The following FOXK1 variants were observed in gnomAD, a reference collection of about 807,000 sequenced individuals.
FOXK1 encodes the protein forkhead box protein K1.
Under a neutral mutation model 51.9 loss-of-function variants are expected in FOXK1, and 19 were observed. The ratio of observed to expected loss-of-function variants is 0.37; its 90% CI spans 0.26 to 0.54. The LOEUF (loss-of-function observed/expected upper bound fraction) is 0.54. Among genes scored for constraint, FOXK1 ranks in the 20% least tolerant of loss-of-function variants. FOXK1 has a pLI of 0.87. For missense variants in FOXK1, 870 were observed against 1,032.7 expected (o/e 0.84, Z 2.16); for synonymous variants, 537 against 482.6 (o/e 1.11, Z -1.48).
At chr7:4,739,824 G>A (rs1172653529) in intron 1 of FOXK1, among the ~76,000 whole-genome samples, 2 of 152,208 alleles carry the variant, frequency 1.3e-5, no homozygotes, top group African/African-American at 4.8e-5. Flanking sequence ...GGTGGTTGCC[G>A]TGCTATTTCA....
chr7:4,705,643 TCTC>T (rs1476506695), intron 1 of FOXK1, among the ~76,000 whole-genome samples: 3 of 149,572 alleles, frequency 2.0e-5, no homozygotes, highest in African/African-American at 7.4e-5. Context: ...TTGAAGCAAT[TCTC>T]CTGCCTCAGC....
At chr7:4,684,918 T>A (rs1779799649) in intron 1 of FOXK1, among the ~76,000 whole-genome samples, 1 of 152,046 alleles carries the variant, frequency 6.6e-6, no homozygotes, top group African/African-American at 2.4e-5. Context: ...TTATGAAATG[T>A]TATCGGTGTA....
chr7:4,686,614 T>G (rs1779822174), intron 1 of FOXK1, among the ~76,000 whole-genome samples: 1 of 152,144 alleles, frequency 6.6e-6, no homozygotes. Flanking sequence ...ATAGCGTTTC[T>G]TCTAGACCAT....
intron 5 of FOXK1, among the ~76,000 whole-genome samples, chr7:4,757,409 C>T (rs1231110679): frequency 2.0e-5 from 3 of 152,034 alleles, no homozygotes; most frequent in South Asian, 4.1e-4. Context: ...AAGTGGATCA[C>T]CTGAGGTCAG....
intron 1 of FOXK1, among the ~76,000 whole-genome samples, chr7:4,721,594 T>TC (rs200276850): frequency 1.3e-3 from 184 of 143,096 alleles, no homozygotes; most frequent in African/African-American, 4.4e-3. Context: ...TTTTTCTTTT[T>TC]TTTTTTTTTT....
Position 4,749,034 on chromosome 7 carries a change from TGA to T in FOXK1, c.747-5423_747-5422del, listed in dbSNP as rs1293279373. Reference sequence around the variant, plus strand: ...GGCTGTGCCTGGCGGGCCTCTGAGCTGAGTCTCTCATGCCTCTCCTTTCCTTT... The same window carrying T: ...GGCTGTGCCTGGCGGGCCTCTGAGCTGTCTCTCATGCCTCTCCTTTCCTTT... On this transcript the variant is annotated intron_variant, in intron 2 of 8. Coordinates refer to ENST00000328914, the MANE Select transcript of FOXK1 (RefSeq NM_001037165.2). This position sits in a 1 kb window ranked among gnomAD's most constrained non-coding sequence, Gnocchi z 6.0. 6.6e-6 allele frequency among the ~76,000 whole-genome samples: 1 copy of T among 152,218 alleles called. No individual in the cohort carries two copies. The highest frequency in any genetic ancestry group is 1.5e-5 in the Non-Finnish European group (1 of 68,026).
chr7:4,688,924 A>G (rs1378395817), intron 1 of FOXK1, among the ~76,000 whole-genome samples: 1 of 150,526 alleles, frequency 6.6e-6, no homozygotes, highest in Non-Finnish European at 1.5e-5. Context: ...AATTTGTAAC[A>G]TTAGCAGCTT....
intron 1 of FOXK1, among the ~76,000 whole-genome samples, chr7:4,740,160 G>C (rs1780613759): frequency 2.0e-5 from 3 of 152,108 alleles, no homozygotes; most frequent in Admixed American, 2.0e-4. Flanking sequence ...GCCAGGCGCG[G>C]TGGCTCACGC....
In FOXK1 at chr7:4,766,734, C is replaced by T; in HGVS notation, c.*4270C>T. On this transcript the variant is annotated 3_prime_UTR_variant, in exon 9 of 9. Transcript: ENST00000328914. This position sits in a 1 kb window ranked among gnomAD's most constrained non-coding sequence, Gnocchi z 5.5. ...GGCCTCGCCTCCCCGGCTCCTGGGTCCATTTTCTGTACTGGTTTGAGATCA... is the reference window on the plus strand; with the variant it reads ...GGCCTCGCCTCCCCGGCTCCTGGGTTCATTTTCTGTACTGGTTTGAGATCA... 1 of 152,244 alleles carries T rather than the reference C, an allele frequency of 6.6e-6. No homozygotes were observed. 9.4% of individuals were successfully genotyped at this position (152,244 alleles called of 1,614,324 possible). A position where few individuals can be genotyped will look rare whatever the true frequency, so the allele number is the denominator to read the frequency against.
rs1326682470 is a variant in FOXK1, at chr7:4,707,306, G to A, written c.560+24438G>A. 6.6e-6 allele frequency among the ~76,000 whole-genome samples: 1 copy of A among 152,156 alleles called. No homozygotes were observed. Among genetic ancestry groups the A allele is most frequent in the Admixed American group, 6.5e-5 (1 of 15,270 alleles). ...GGTCTGGCTCAGTGCTTATTTCAGGGAAAACTCTTGTGATGAATGGGCCAT... is the reference window on the plus strand; with the variant it reads ...GGTCTGGCTCAGTGCTTATTTCAGGAAAAACTCTTGTGATGAATGGGCCAT... On this transcript the variant is annotated intron_variant, in intron 1 of 8. Transcript: ENST00000328914. This position sits in a 1 kb window ranked among gnomAD's most constrained non-coding sequence, Gnocchi z 4.1.
rs942680292 is a variant in FOXK1, at chr7:4,723,103, A to G, written c.561-17735A>G. The stretch of plus-strand genomic sequence containing the variant: ...TCCCAAGCCTGTTGACGATGATGGT[A>G]ACGGCACCGTGCTCACTCCAACGCC... On this transcript the variant is annotated intron_variant, in intron 1 of 8. Coordinates refer to ENST00000328914, the MANE Select transcript of FOXK1 (RefSeq NM_001037165.2). The surrounding 1 kb of genome is among the most constrained non-coding windows in gnomAD (Gnocchi z 4.7). Among the ~76,000 whole-genome samples the G allele has an allele frequency of 6.6e-6, 1 of 151,934 alleles. No homozygotes were observed. Among genetic ancestry groups the G allele is most frequent in the Non-Finnish European group, 1.5e-5 (1 of 68,010 alleles).
chr7:4,769,874 C>G lies in FOXK1; in HGVS notation c.*7410C>G, dbSNP rs1781074578. ...ATTCTTTTTTCTGGAATTGTTTGCT[C>G]ATTTGAGTGGTTGGTGGTTTGCCCT... On this transcript the variant is annotated 3_prime_UTR_variant, in exon 9 of 9. Coordinates refer to ENST00000328914, the MANE Select transcript of FOXK1 (RefSeq NM_001037165.2). The surrounding 1 kb of genome is among the most constrained non-coding windows in gnomAD (Gnocchi z 4.1). 6.6e-6 allele frequency: 1 copy of G among 152,134 alleles called. No individual in the cohort carries two copies. The highest frequency in any genetic ancestry group is 1.5e-5 in the Non-Finnish European group (1 of 68,038). 9.4% of individuals were successfully genotyped at this position (152,134 alleles called of 1,614,324 possible). A position where few individuals can be genotyped will look rare whatever the true frequency, so the allele number is the denominator to read the frequency against.
At position 4,699,350 on chromosome 7, in the gene FOXK1, CGTG is replaced by C. The variant is rs1007916526; in HGVS notation, c.560+16484_560+16486del. On this transcript the variant is annotated intron_variant, in intron 1 of 8. Coordinates refer to ENST00000328914, the MANE Select transcript of FOXK1 (RefSeq NM_001037165.2). ...CAGGCTGGAGTGCAGTGACACGACT[CGTG>C]GGGTCCTTATCCACAGGGTTAGGTT... Among the ~76,000 whole-genome samples the C allele has an allele frequency of 7.6e-5, 11 of 145,620 alleles. No homozygotes were observed. In the South Asian group the frequency reaches 1.8e-3, roughly 24 times the overall value.
At chr7:4,684,998 G>A (rs1343464351) in intron 1 of FOXK1, among the ~76,000 whole-genome samples, 2 of 151,854 alleles carry the variant, frequency 1.3e-5, no homozygotes, top group African/African-American at 4.8e-5. Flanking sequence ...GCATTGTGGT[G>A]GGGCTGTCAG....
In FOXK1 at chr7:4,753,782, C is replaced by T. The variant is rs1386361839; in HGVS notation, c.747-677C>T. Among the ~76,000 whole-genome samples, 4 of 152,176 alleles carry T rather than the reference C, an allele frequency of 2.6e-5. No homozygotes were observed. Among genetic ancestry groups the T allele is most frequent in the Non-Finnish European group, 1.5e-5 (1 of 68,040 alleles). ...CGGACGCAGCCTCCTGCCTGTGGTCCCGGCCTCAACCCAGAGCCTCACCTG... is the reference window on the plus strand; with the variant it reads ...CGGACGCAGCCTCCTGCCTGTGGTCTCGGCCTCAACCCAGAGCCTCACCTG... On this transcript the variant is annotated intron_variant, in intron 2 of 8. Transcript: ENST00000328914. This position sits in a 1 kb window ranked among gnomAD's most constrained non-coding sequence, Gnocchi z 4.9.
intron 1 of FOXK1, among the ~76,000 whole-genome samples, chr7:4,718,612 C>T (rs528067819): frequency 1.6e-4 from 25 of 152,246 alleles, no homozygotes; most frequent in Admixed American, 1.0e-3. Flanking sequence ...GGGTGAGTAC[C>T]CGGGAGTGCA....
intron 1 of FOXK1, among the ~76,000 whole-genome samples, chr7:4,714,930 G>T (rs766002337): frequency 6.6e-6 from 1 of 152,176 alleles, no homozygotes; most frequent in Non-Finnish European, 1.5e-5. Context: ...GGAAGTCTGC[G>T]TGCACGTGGA....
Position 4,745,391 on chromosome 7 carries a change from C to G in FOXK1, c.746+4368C>G, listed in dbSNP as rs1780689564. Among the ~76,000 whole-genome samples, 1 of 152,120 alleles carries G rather than the reference C, an allele frequency of 6.6e-6. No homozygotes were observed. Among genetic ancestry groups the G allele is most frequent in the Non-Finnish European group, 1.5e-5 (1 of 68,026 alleles). ...GCCCCTGCCCCCGCCCCCCGCGCCA[C>G]CCTGCGTCCTTCCTTTCCGTTTCTC... On this transcript the variant is annotated intron_variant, in intron 2 of 8. Transcript: ENST00000328914. This position sits in a 1 kb window ranked among gnomAD's most constrained non-coding sequence, Gnocchi z 4.3.
intron 2 of FOXK1, among the ~76,000 whole-genome samples, chr7:4,741,607 A>T (rs1362031973): frequency 6.6e-6 from 1 of 152,262 alleles, no homozygotes; most frequent in African/African-American, 2.4e-5. Context: ...CTGGGATTAC[A>T]GGCGTGAGCC....
Sources: gnomAD v4.1 joint callset for allele counts (sites outside exome capture counted in the v4.1 genomes callset) on GRCh38, gnomAD v4.1.1 for gene constraint, Gnocchi (gnomAD v3.1) non-coding constraint, MANE v1.5 for transcripts, NCBI Gene and HGNC (gene_info 2026-07-23, HGNC 2026-07-21) for gene names.